ATP1A1: variants seen among roughly 807,000 people sequenced by gnomAD.
ATP1A1 encodes ATPase Na+/K+ transporting subunit alpha 1.
In ATP1A1, 14 loss-of-function variants were observed where a neutral mutation model predicts 114.8. The ratio of observed to expected loss-of-function variants is 0.12; its 90% CI spans 0.08 to 0.19. ATP1A1 has a LOEUF of 0.19. ATP1A1 is among the 10% of genes least tolerant of loss of function. ATP1A1 has a pLI of 1.00. For missense variants in ATP1A1, 524 were observed against 1,290.7 expected (o/e 0.41, Z 9.10); for synonymous variants, 471 against 466.3 (o/e 1.01, Z -0.13).
chr1:116,376,142 A>G (rs1651347988), intron 1 of ATP1A1, among the ~76,000 whole-genome samples: 1 of 152,206 alleles, frequency 6.6e-6, no homozygotes, highest in Admixed American at 6.5e-5. Flanking sequence ...TCAAGTGTGT[A>G]AAAGATGAGG....
chr1:116,374,470 C>T (rs1372982975), intron 1 of ATP1A1, among the ~76,000 whole-genome samples: 1 of 152,114 alleles, frequency 6.6e-6, no homozygotes, highest in African/African-American at 2.4e-5. Flanking sequence ...TTTCCAGCGT[C>T]GCGGAAGCAC....
chr1:116,394,375 T>A (rs1408685941), intron 12 of ATP1A1, among the ~76,000 whole-genome samples: 1 of 152,196 alleles, frequency 6.6e-6, no homozygotes, highest in Non-Finnish European at 1.5e-5. Flanking sequence ...TTAACTTGGG[T>A]AAATCTAACT....
chr1:116,382,057 C>G (rs1292773332), intron 1 of ATP1A1, among the ~76,000 whole-genome samples: 1 of 152,124 alleles, frequency 6.6e-6, no homozygotes, highest in African/African-American at 2.4e-5. Flanking sequence ...CGCCTATAAT[C>G]CCAGCTACTC....
chr1:116,396,196 C>T (rs1652904508), intron 13 of ATP1A1, among the ~76,000 whole-genome samples: 1 of 151,932 alleles, frequency 6.6e-6, no homozygotes, highest in Non-Finnish European at 1.5e-5. Flanking sequence ...TGTTGCTTTT[C>T]CTCCAAGTTG....
In ATP1A1 at chr1:116,398,164, GC is replaced by G. The variant is rs2101060666; in HGVS notation, c.2124+128del. On this transcript the variant is annotated intron_variant, in intron 15 of 22. Coordinates refer to ENST00000295598, the MANE Select transcript of ATP1A1 (RefSeq NM_000701.8). The surrounding 1 kb of genome is among the most constrained non-coding windows in gnomAD (Gnocchi z 6.1). ...GCTGTATTAGACTCAGTATAAATAG[GC>G]CAGTAGGAAGCTCATAGGCATAGAG... 7.5e-7 allele frequency: 1 copy of G among 1,326,258 alleles called. No individual in the cohort carries two copies. Among genetic ancestry groups the G allele is most frequent in the East Asian group, 2.4e-5 (1 of 41,176 alleles). 82.2% of individuals were successfully genotyped at this position (1,326,258 alleles called of 1,614,324 possible). A position where few individuals can be genotyped will look rare whatever the true frequency, so the allele number is the denominator to read the frequency against.
intron 13 of ATP1A1, 148 bp from the exon 14 acceptor site, chr1:116,396,450 C>G (rs557704972): frequency 9.9e-7 from 1 of 1,014,054 alleles, no homozygotes; most frequent in Non-Finnish European, 1.4e-6. Flanking sequence ...TTTGGCTAAT[C>G]GATGTTTATT....
chr1:116,394,103 G>A (rs1652705506), intron 12 of ATP1A1, among the ~76,000 whole-genome samples: 1 of 152,138 alleles, frequency 6.6e-6, no homozygotes, highest in Non-Finnish European at 1.5e-5. Context: ...AATTCTTAGT[G>A]TGTCTAAGTT....
chr1:116,376,397 G>A (rs1651369843), intron 1 of ATP1A1, among the ~76,000 whole-genome samples: 1 of 152,188 alleles, frequency 6.6e-6, no homozygotes, highest in Non-Finnish European at 1.5e-5. Flanking sequence ...TATAAAGCTA[G>A]TACTTTAGAC....
At chr1:116,390,435 C>G in intron 9 of ATP1A1, 24 bp downstream of exon 9, 1 of 1,594,418 alleles carries the variant, frequency 6.3e-7, no homozygotes. Context: ...TACCACACAC[C>G]TCAGCCACCT....
In ATP1A1 at chr1:116,388,542, A is replaced by T. The variant is rs1652247929; in HGVS notation, c.502-96A>T. The stretch of plus-strand genomic sequence containing the variant: ...TGAATAATATCTTTGTTTTGTATTC[A>T]GGTAATTAGGATTATGACTATTTTT... On this transcript the variant is annotated intron_variant, in intron 5 of 22. Coordinates refer to ENST00000295598, the MANE Select transcript of ATP1A1 (RefSeq NM_000701.8). The surrounding 1 kb of genome is among the most constrained non-coding windows in gnomAD (Gnocchi z 5.6). The T allele has an allele frequency of 6.9e-7, 1 of 1,444,678 alleles. No individual in the cohort carries two copies. Among genetic ancestry groups the T allele is most frequent in the African/African-American group, 1.4e-5 (1 of 69,690 alleles). 89.5% of individuals were successfully genotyped at this position (1,444,678 alleles called of 1,614,324 possible). A position where few individuals can be genotyped will look rare whatever the true frequency, so the allele number is the denominator to read the frequency against.
intron 21 of ATP1A1, among the ~76,000 whole-genome samples, chr1:116,402,584 G>C (rs921150622): frequency 6.6e-6 from 1 of 151,140 alleles, no homozygotes; most frequent in Non-Finnish European, 1.5e-5. Flanking sequence ...CTGGCATCCA[G>C]AGTCAGTCTC....
rs1000897291 is a variant in ATP1A1, at chr1:116,373,349, G to C, written c.-163G>C. The C allele has an allele frequency of 1.8e-5, 11 of 615,212 alleles. No individual in the cohort carries two copies. Among genetic ancestry groups the C allele is most frequent in the Admixed American group, 4.8e-5 (1 of 20,656 alleles). The allele number at this position is 615,212 out of a possible 1,614,324, so 38.1% of individuals were successfully genotyped here. A position where few individuals can be genotyped will look rare whatever the true frequency, so the allele number is the denominator to read the frequency against. ...CGGCAGCAACAGCGGCGGCGGCATC[G>C]GCCCGAGCCGCCGGCCGCCCTCCCA... On this transcript the variant is annotated 5_prime_UTR_variant, in exon 1 of 23. Coordinates refer to ENST00000295598, the MANE Select transcript of ATP1A1 (RefSeq NM_000701.8).
rs1043783102 is a variant in ATP1A1, at chr1:116,373,325, G to T, written c.-187G>T. On this transcript the variant is annotated 5_prime_UTR_variant, in exon 1 of 23. Transcript: ENST00000295598. ...CAACAGCGGTAGCAGCCCGGGCGGC[G>T]GCAGCAACAGCGGCGGCGGCATCGG... The T allele has an allele frequency of 8.2e-6, 4 of 489,824 alleles. No homozygotes were observed. The highest frequency in any genetic ancestry group is 8.1e-5 in the African/African-American group (4 of 49,158). The allele number at this position is 489,824 out of a possible 1,614,324, so 30.3% of individuals were successfully genotyped here.
chr1:116,383,462 T>A, intron 1 of ATP1A1: 1 of 704,062 alleles, frequency 1.4e-6, no homozygotes, highest in Non-Finnish European at 1.7e-6. Flanking sequence ...CTTAAAAACA[T>A]GAAATGAGGT....
At chr1:116,377,926 C>T (rs1651478149) in intron 1 of ATP1A1, among the ~76,000 whole-genome samples, 1 of 152,138 alleles carries the variant, frequency 6.6e-6, no homozygotes, top group African/African-American at 2.4e-5. Context: ...CCTACTCACT[C>T]ATTTTAAAAC....
intron 1 of ATP1A1, chr1:116,383,215 T>G (rs1448981226): frequency 1.7e-5 from 4 of 237,838 alleles, no homozygotes; most frequent in Non-Finnish European, 2.1e-5. Context: ...GAGACTTTCA[T>G]TTTGGAGGTT....
In ATP1A1 at chr1:116,393,684, G is replaced by A. The variant is rs1652657631; in HGVS notation, c.1621G>A (p.Ala541Thr). Residue 541 changes from alanine to threonine, a missense_variant, in exon 12 of 23, where the codon GCC becomes ACC. By Grantham distance (58) the Ala-to-Thr change is moderately conservative. Coordinates refer to ENST00000295598, the MANE Select transcript of ATP1A1 (RefSeq NM_000701.8). The surrounding 1 kb of genome is among the most constrained non-coding windows in gnomAD (Gnocchi z 5.0). ...GGAGCTGAAAGACGCCTTTCAGAAC[G>A]CCTATTTGGAGCTGGGGGGCCTCGG... is the stretch of plus-strand genomic sequence containing the variant. The part of the protein sequence containing the change: ...DEELKDAFQN[A>T]YLELGGLGER... 6.2e-7 allele frequency: 1 copy of A among 1,613,852 alleles called. No individual in the cohort carries two copies. Among genetic ancestry groups the A allele is most frequent in the Non-Finnish European group, 8.5e-7 (1 of 1,180,014 alleles).
chr1:116,403,493 G>A (rs189759875), intron 21 of ATP1A1, among the ~76,000 whole-genome samples: 136 of 151,696 alleles, frequency 9.0e-4, no homozygotes, highest in Non-Finnish European at 1.7e-3. Flanking sequence ...AAAATGCTGG[G>A]ATATTAGGCA....
In ATP1A1 at chr1:116,387,368, A is replaced by G. The variant is rs778913160; in HGVS notation, c.264A>G (p.Glu88=). Residue 88 remains glutamate, a synonymous_variant, in exon 4 of 23, where the codon GAA becomes GAG. Transcript: ENST00000295598. This position sits in a 1 kb window ranked among gnomAD's most constrained non-coding sequence, Gnocchi z 6.7. ...NALTPPPTTP[E]WIKFCRQLFG... ...TCACTCCCCCTCCCACTACTCCTGA[A>G]TGGATCAAGTTTTGTCGGCAGCTCT... 3.1e-6 allele frequency: 5 copies of G among 1,614,172 alleles called. No homozygotes were observed. In the Admixed American group the frequency reaches 6.7e-5, roughly 22 times the overall value.
Sources: allele counts gnomAD v4.1 joint callset (sites outside exome capture counted in the v4.1 genomes callset), GRCh38; gene constraint gnomAD v4.1.1; non-coding constraint Gnocchi (gnomAD v3.1); transcripts MANE v1.5; gene names NCBI Gene and HGNC (gene_info 2026-07-23, HGNC 2026-07-21).